Variants in WDR25 observed in about 807,000 individuals in gnomAD.
WDR25 encodes WD repeat-containing protein 25.
A neutral mutation model predicts 47.7 loss-of-function variants in WDR25; 35 were observed. The observed-to-expected ratio is 0.73, with a 90% CI of 0.56 to 0.97. The LOEUF (loss-of-function observed/expected upper bound fraction) is 0.97. Ranked by LOEUF, WDR25 falls within the 50% of genes least tolerant of loss-of-function variation. WDR25 has a pLI of 0.00. For missense variants in WDR25, 634 were observed against 704.7 expected, an observed-to-expected ratio of 0.90 and a Z score of 1.14; for synonymous variants, 248 against 278.9, an observed-to-expected ratio of 0.89 and a Z score of 1.10.
At chr14:100,444,896 CT>C (rs1898784400) in intron 2 of WDR25, among the ~76,000 whole-genome samples, 1 of 152,230 alleles carries the variant, frequency 6.6e-6, no homozygotes, top group Admixed American at 6.5e-5. Context: ...CTTTAATTCC[CT>C]TTAAGCTTCC....
At position 100,465,031 on chromosome 14, in the gene WDR25, C is replaced by T. The variant is rs535784914; in HGVS notation, c.823-2990C>T. 3.3e-5 allele frequency among the ~76,000 whole-genome samples: 5 copies of T among 151,950 alleles called. 1 individual carries two copies. Among genetic ancestry groups the T allele is most frequent in the Non-Finnish European group, 1.5e-5 (1 of 67,974 alleles). ...TTCCACCCTCTCTTTGGAAGAGCTG[C>T]TGCTTAGTGTTCATAGCTTTTCCCT... On this transcript the variant is annotated intron_variant, in intron 2 of 6. Transcript: ENST00000402312.
In WDR25 at chr14:100,449,442, C is replaced by T. The variant is rs1340000403; in HGVS notation, c.823-18579C>T. 6.6e-6 allele frequency among the ~76,000 whole-genome samples: 1 copy of T among 152,210 alleles called. No homozygotes were observed. Among genetic ancestry groups the T allele is most frequent in the Non-Finnish European group, 1.5e-5 (1 of 68,040 alleles). On this transcript the variant is annotated intron_variant, in intron 2 of 6. Coordinates refer to ENST00000402312, the MANE Select transcript of WDR25 (RefSeq NM_001161476.3). This position sits in a 1 kb window ranked among gnomAD's most constrained non-coding sequence, Gnocchi z 4.2. The stretch of plus-strand genomic sequence containing the variant: ...AGCAACCTGACTTTCTGAGAGTGGT[C>T]ACCTCTATTCCGGGGCCCTGCCCTG...
chr14:100,414,985 G>A (rs550729622), intron 2 of WDR25, among the ~76,000 whole-genome samples: 3 of 152,200 alleles, frequency 2.0e-5, no homozygotes, highest in Middle Eastern at 3.4e-3. Flanking sequence ...GAGAGCAGGG[G>A]GAGCAGCAAG....
chr14:100,438,652 G>C (rs1488529550), intron 2 of WDR25, among the ~76,000 whole-genome samples: 1 of 152,160 alleles, frequency 6.6e-6, no homozygotes, highest in Non-Finnish European at 1.5e-5. Flanking sequence ...CTGGGAGGTG[G>C]GATTTGAAGT....
chr14:100,454,318 G>T (rs1899132769), intron 2 of WDR25: 1 of 1,236,808 alleles, frequency 8.1e-7, no homozygotes, highest in Admixed American at 2.3e-5. Context: ...TGGGTGTGGA[G>T]AAGATTTTGA....
intron 1 of WDR25, among the ~76,000 whole-genome samples, chr14:100,379,390 CTTTTT>C (rs148841833): frequency 7.4e-6 from 1 of 135,446 alleles, no homozygotes; most frequent in African/African-American, 2.7e-5. Context: ...CTTTTTTTTT[CTTTTT>C]TTTTTTTTTT....
chr14:100,482,114 A>G (rs553369152), intron 3 of WDR25, among the ~76,000 whole-genome samples: 4 of 151,976 alleles, frequency 2.6e-5, no homozygotes, highest in East Asian at 3.9e-4. Flanking sequence ...AATGTCTCCC[A>G]TGTGGCCAGT....
chr14:100,511,498 A>G (rs1901309920), intron 4 of WDR25, among the ~76,000 whole-genome samples: 1 of 152,006 alleles, frequency 6.6e-6, no homozygotes, highest in African/African-American at 2.4e-5. Flanking sequence ...TTCTTTTCCA[A>G]TCTGGACACT....
At chr14:100,396,228 A>G (rs1897257690) in intron 2 of WDR25, among the ~76,000 whole-genome samples, 1 of 152,244 alleles carries the variant, frequency 6.6e-6, no homozygotes, top group South Asian at 2.1e-4. Flanking sequence ...CACCTGCCTC[A>G]GCCTCCCAAA....
chr14:100,454,813 A>T, intron 2 of WDR25: 1 of 218,690 alleles, frequency 4.6e-6, no homozygotes, highest in East Asian at 1.1e-4. Flanking sequence ...TTGAATGCAG[A>T]CTCTAAGCAG....
chr14:100,467,945 C>G, intron 2 of WDR25, 76 bp from the exon 3 acceptor site: 2 of 1,575,876 alleles, frequency 1.3e-6, no homozygotes, highest in Non-Finnish European at 1.7e-6. Flanking sequence ...CTTTTTCTTT[C>G]TACAGTGGGG....
intron 3 of WDR25, among the ~76,000 whole-genome samples, chr14:100,483,647 T>A (rs1900280808): frequency 6.6e-6 from 1 of 152,226 alleles, no homozygotes; most frequent in Non-Finnish European, 1.5e-5. Context: ...CTGGGCTTGG[T>A]TTTTGGCTGT....
intron 2 of WDR25, among the ~76,000 whole-genome samples, chr14:100,426,786 A>G (rs1250188098): frequency 6.6e-6 from 1 of 152,142 alleles, no homozygotes; most frequent in Non-Finnish European, 1.5e-5. Flanking sequence ...GGCATTGTGC[A>G]AGGCAACCGG....
chr14:100,459,504 A>G (rs565898855), intron 2 of WDR25, among the ~76,000 whole-genome samples: 1 of 152,278 alleles, frequency 6.6e-6, no homozygotes, highest in African/African-American at 2.4e-5. Context: ...TTATATTTTG[A>G]AATCTTAACC....
At chr14:100,391,620 T>C (rs1161847495) in intron 2 of WDR25, among the ~76,000 whole-genome samples, 1 of 150,652 alleles carries the variant, frequency 6.6e-6, no homozygotes, top group East Asian at 1.9e-4. Context: ...AGGCAATGAC[T>C]GCAGACTTTT....
chr14:100,449,827 C>T lies in WDR25; in HGVS notation c.823-18194C>T, dbSNP rs1039610470. On this transcript the variant is annotated intron_variant, in intron 2 of 6. Transcript: ENST00000402312. The surrounding 1 kb of genome is among the most constrained non-coding windows in gnomAD (Gnocchi z 4.2). ...GAGACGTCCCAGGTTCTGGCTCTCCCTGCCTCTGCTATGGTGTGATCAGAA... is the reference window on the plus strand; with the variant it reads ...GAGACGTCCCAGGTTCTGGCTCTCCTTGCCTCTGCTATGGTGTGATCAGAA... Among the ~76,000 whole-genome samples the T allele has an allele frequency of 1.3e-5, 2 of 152,176 alleles. No homozygotes were observed. Among genetic ancestry groups the T allele is most frequent in the African/African-American group, 4.8e-5 (2 of 41,436 alleles).
intron 3 of WDR25, among the ~76,000 whole-genome samples, chr14:100,476,286 C>T (rs1486956552): frequency 6.6e-6 from 1 of 152,230 alleles, no homozygotes; most frequent in East Asian, 1.9e-4. Flanking sequence ...AAGATGGCCC[C>T]TGTTTCTGAT....
intron 2 of WDR25, among the ~76,000 whole-genome samples, chr14:100,459,938 A>ATG (rs1899344339): frequency 9.4e-6 from 1 of 106,116 alleles, no homozygotes. Flanking sequence ...ATATATATAT[A>ATG]TACACATACA....
At chr14:100,389,011 T>G (rs1047814983) in intron 2 of WDR25, among the ~76,000 whole-genome samples, 2 of 152,092 alleles carry the variant, frequency 1.3e-5, no homozygotes, top group African/African-American at 4.8e-5. Context: ...CACTTAGGAG[T>G]CGAGACAGTC....
Sources: gnomAD v4.1 joint callset for allele counts (sites outside exome capture counted in the v4.1 genomes callset) on GRCh38, gnomAD v4.1.1 for gene constraint, Gnocchi (gnomAD v3.1) non-coding constraint, MANE v1.5 for transcripts, NCBI Gene and HGNC (gene_info 2026-07-23, HGNC 2026-07-21) for gene names.